Variants in TNRC6A observed in about 807,000 individuals in gnomAD.
The protein encoded by TNRC6A is trinucleotide repeat containing adaptor 6A, also known as trinucleotide repeat-containing gene 6A protein.
TNRC6A carries 44 observed loss-of-function variants against 221.2 expected under a neutral mutation model. That is an observed-to-expected ratio of 0.20 (90% CI 0.16 to 0.26). The LOEUF is 0.26. Among genes scored for constraint, TNRC6A ranks in the 10% least tolerant of loss-of-function variants. TNRC6A has a pLI of 1.00. For missense variants in TNRC6A, 2,199 were observed against 2,404.4 expected, an observed-to-expected ratio of 0.91 and a Z score of 1.79; for synonymous variants, 847 against 838.5, an observed-to-expected ratio of 1.01 and a Z score of -0.18.
At chr16:24,816,154 A>T (rs181217515) in intron 19 of TNRC6A, 1 of 151,740 alleles carries the variant, frequency 6.6e-6, no homozygotes, top group East Asian at 1.9e-4. Context: ...GTGAAACCCC[A>T]TCTCTACTAA....
At chr16:24,813,858 A>T (rs768235269) in intron 18 of TNRC6A, among the ~76,000 whole-genome samples, 1 of 152,204 alleles carries the variant, frequency 6.6e-6, no homozygotes, top group Admixed American at 6.5e-5. Context: ...ATAAGTGGAA[A>T]TTGTTCTTAC....
chr16:24,618,399 T>C (rs755671034), intron 1 of TNRC6A, among the ~76,000 whole-genome samples: 2 of 152,198 alleles, frequency 1.3e-5, no homozygotes, highest in Non-Finnish European at 2.9e-5. Context: ...GTCAAATAAA[T>C]GTGGAATGAC....
intron 2 of TNRC6A, among the ~76,000 whole-genome samples, chr16:24,703,035 AAAAATAAAAT>A (rs71156434): frequency 1.2e-3 from 175 of 147,906 alleles, no homozygotes; most frequent in East Asian, 3.2e-3. Flanking sequence ...ACTCTGTGTC[AAAAATAAAAT>A]AAAATAAAAT....
chr16:24,813,488 G>A (rs2058591154), intron 18 of TNRC6A, among the ~76,000 whole-genome samples: 1 of 152,158 alleles, frequency 6.6e-6, no homozygotes, highest in Admixed American at 6.5e-5. Flanking sequence ...CATCCATGTT[G>A]CTGCAAAAGA....
intron 18 of TNRC6A, among the ~76,000 whole-genome samples, chr16:24,810,066 G>A (rs1040129942): frequency 6.6e-6 from 1 of 152,160 alleles, no homozygotes. Flanking sequence ...ATCTGCCTTG[G>A]TCTCCCAAAG....
At chr16:24,732,384 C>T (rs980155827) in intron 2 of TNRC6A, among the ~76,000 whole-genome samples, 8 of 152,306 alleles carry the variant, frequency 5.3e-5, no homozygotes, top group Non-Finnish European at 1.2e-4. Flanking sequence ...GGCACTAAGC[C>T]AGGGAAGAAT....
intron 22 of TNRC6A, among the ~76,000 whole-genome samples, chr16:24,821,421 T>TC (rs767717586): frequency 1.1e-3 from 170 of 152,216 alleles, no homozygotes; most frequent in Non-Finnish European, 1.0e-3. Flanking sequence ...GCACAAAGGC[T>TC]CCCGTTGGAG....
intron 2 of TNRC6A, among the ~76,000 whole-genome samples, chr16:24,690,680 T>A (rs2055737102): frequency 6.6e-6 from 1 of 152,210 alleles, no homozygotes; most frequent in Admixed American, 6.5e-5. Flanking sequence ...CAAAATACTT[T>A]GCTTTGCTTT....
intron 2 of TNRC6A, among the ~76,000 whole-genome samples, chr16:24,649,392 T>C (rs1291780387): frequency 6.6e-6 from 1 of 152,128 alleles, no homozygotes; most frequent in Admixed American, 6.6e-5. Flanking sequence ...CACTGAAACC[T>C]CGAACTCCTG....
intron 2 of TNRC6A, among the ~76,000 whole-genome samples, chr16:24,649,060 C>T (rs950728165): frequency 5.3e-5 from 8 of 151,834 alleles, no homozygotes; most frequent in Non-Finnish European, 1.2e-4. Flanking sequence ...GCGGGAGGAT[C>T]GCTTGAGCCC....
In TNRC6A at chr16:24,791,114, G is replaced by A. The variant is rs1388356810; in HGVS notation, c.2472G>A (p.Glu824=). Residue 824 remains glutamate (E), a synonymous_variant, in exon 6 of 25, where the codon GAG becomes GAA. Coordinates refer to ENST00000395799, the MANE Select transcript of TNRC6A (RefSeq NM_014494.4). ...VKSNQWGNCK[E]EKAAWNDSQK... ...GCAATCAGTGGGGGAATTGCAAAGA[G>A]GAGAAGGCTGCATGGAATGACTCGC... 2.5e-5 allele frequency: 41 copies of A among 1,613,850 alleles called. No homozygotes were observed. The Admixed American group carries it at 6.8e-4, about 27-fold the overall frequency.
intron 2 of TNRC6A, among the ~76,000 whole-genome samples, chr16:24,687,843 G>GGAAGGAGAAGAA (rs2055660780): frequency 9.8e-6 from 1 of 101,856 alleles, no homozygotes; most frequent in Non-Finnish European, 2.0e-5. Flanking sequence ...AAGAGGAAGA[G>GGAAGGAGAAGAA]GAAGAAGAAG....
intron 2 of TNRC6A, among the ~76,000 whole-genome samples, chr16:24,732,165 A>G (rs76679686): frequency 0.05 from 7,688 of 152,296 alleles, 300 homozygotes; most frequent in South Asian, 0.078. Context: ...AGAGGGGAGC[A>G]TTTCTTGCAG....
chr16:24,666,597 C>T (rs1411343598), intron 2 of TNRC6A, among the ~76,000 whole-genome samples: 1 of 126,754 alleles, frequency 7.9e-6, no homozygotes, highest in East Asian at 2.5e-4. Context: ...GCTATTGGCA[C>T]TGCACTCCAG....
At chr16:24,814,382 G>A (rs1244877218) in intron 18 of TNRC6A, among the ~76,000 whole-genome samples, 2 of 134,272 alleles carry the variant, frequency 1.5e-5, no homozygotes, top group African/African-American at 6.1e-5. Context: ...TCCTTCTGGT[G>A]TCATTTTTTT....
At chr16:24,666,922 C>T (rs2055184580) in intron 2 of TNRC6A, among the ~76,000 whole-genome samples, 1 of 151,426 alleles carries the variant, frequency 6.6e-6, no homozygotes, top group African/African-American at 2.4e-5. Flanking sequence ...TCGAGAGCAG[C>T]CTGGCCGATA....
intron 2 of TNRC6A, chr16:24,664,016 A>G (rs1278869809): frequency 6.7e-6 from 3 of 449,628 alleles, no homozygotes; most frequent in African/African-American, 6.0e-5. Context: ...TGTAGTGAAC[A>G]GAAGAGAAGG....
intron 2 of TNRC6A, among the ~76,000 whole-genome samples, chr16:24,713,957 T>C (rs1429472178): frequency 2.0e-5 from 3 of 152,206 alleles, no homozygotes; most frequent in Middle Eastern, 3.2e-3. Flanking sequence ...TTAATCATTG[T>C]TTTTAAACGA....
chr16:24,821,890 C>T (rs932181033), intron 22 of TNRC6A, 187 bp from the exon 23 acceptor site: 8 of 595,478 alleles, frequency 1.3e-5, no homozygotes, highest in Admixed American at 5.9e-5. Flanking sequence ...AGGCAGAGCC[C>T]CCTGCCATAG....
Sources: gnomAD v4.1 joint callset for allele counts (sites outside exome capture counted in the v4.1 genomes callset) on GRCh38, gnomAD v4.1.1 for gene constraint, MANE v1.5 for transcripts, NCBI Gene and HGNC (gene_info 2026-07-23, HGNC 2026-07-21) for gene names.